The following MAP7 variants were observed in gnomAD, a reference collection of about 807,000 sequenced individuals.
MAP7 encodes ensconsin.
MAP7 carries 52 observed loss-of-function variants against 94.8 expected under a neutral mutation model. That is an observed-to-expected ratio of 0.55 (90% CI 0.44 to 0.69). MAP7 has a LOEUF of 0.69. MAP7 is among the 30% of genes least tolerant of loss of function. The pLI is 0.00. For synonymous variants in MAP7, 350 were observed against 357.0 expected, an observed-to-expected ratio of 0.98 and a Z score of 0.22; for missense variants, 940 against 964.6, an observed-to-expected ratio of 0.97 and a Z score of 0.34.
At chr6:136,495,229 A>T (rs186272537) in intron 1 of MAP7, among the ~76,000 whole-genome samples, 6 of 152,194 alleles carry the variant, frequency 3.9e-5, no homozygotes, top group Non-Finnish European at 8.8e-5. Flanking sequence ...ATTTAAGTCC[A>T]TTATCTAACT....
At chr6:136,344,777 A>G (rs1787229614) in intron 17 of MAP7, among the ~76,000 whole-genome samples, 1 of 152,226 alleles carries the variant, frequency 6.6e-6, no homozygotes, top group African/African-American at 2.4e-5. Flanking sequence ...GAGTTCACTA[A>G]AGTGAGGTTC....
chr6:136,471,623 G>A (rs1809044163), intron 1 of MAP7, among the ~76,000 whole-genome samples: 1 of 151,860 alleles, frequency 6.6e-6, no homozygotes, highest in South Asian at 2.1e-4. Context: ...GTTTATTTAG[G>A]AGACACTCAC....
chr6:136,478,309 G>A (rs1462612909), intron 1 of MAP7, among the ~76,000 whole-genome samples: 1 of 152,146 alleles, frequency 6.6e-6, no homozygotes, highest in Non-Finnish European at 1.5e-5. Flanking sequence ...TTGGCCAGGT[G>A]TGGTGGCTCA....
At chr6:136,457,443 G>C (rs1426185324) in intron 1 of MAP7, among the ~76,000 whole-genome samples, 2 of 151,966 alleles carry the variant, frequency 1.3e-5, no homozygotes, top group East Asian at 1.9e-4. Flanking sequence ...AATTGAAGAA[G>C]AGGGAACACT....
chr6:136,362,187 C>G (rs1411161011), intron 11 of MAP7, among the ~76,000 whole-genome samples: 1 of 151,866 alleles, frequency 6.6e-6, no homozygotes, highest in South Asian at 2.1e-4. Context: ...TTGGGAGGTT[C>G]AGGTGGGAGG....
chr6:136,443,443 C>T (rs991022795), intron 1 of MAP7, among the ~76,000 whole-genome samples: 1 of 137,552 alleles, frequency 7.3e-6, no homozygotes, highest in Non-Finnish European at 1.5e-5. Flanking sequence ...ATACATTCCC[C>T]TTCTACTTTT....
chr6:136,516,975 C>CAAA (rs397770361), intron 1 of MAP7, among the ~76,000 whole-genome samples: 13 of 140,288 alleles, frequency 9.3e-5, no homozygotes, highest in Non-Finnish European at 1.7e-4. Flanking sequence ...AAAACCCTTG[C>CAAA]AAAAAAAAAA....
At chr6:136,393,868 T>C (rs1781501379) in intron 3 of MAP7, among the ~76,000 whole-genome samples, 1 of 146,370 alleles carries the variant, frequency 6.8e-6, no homozygotes, top group Non-Finnish European at 1.5e-5. Context: ...CTCAAACTCC[T>C]AGCTTCAAGA....
At chr6:136,534,182 G>T (rs1828699677) in intron 1 of MAP7, among the ~76,000 whole-genome samples, 1 of 152,220 alleles carries the variant, frequency 6.6e-6, no homozygotes, top group African/African-American at 2.4e-5. Context: ...TCTCTGGAGA[G>T]AAATATATTG....
chr6:136,526,755 G>T, intron 1 of MAP7: 1 of 874,832 alleles, frequency 1.1e-6, no homozygotes, highest in Non-Finnish European at 1.4e-6. Context: ...TCTTTTCTGG[G>T]CCAGGTTGTC....
intron 6 of MAP7, 127 bp downstream of exon 6, chr6:136,383,544 G>T: frequency 1.9e-6 from 1 of 525,066 alleles, no homozygotes; most frequent in South Asian, 3.1e-5. Context: ...TTACTCTGAA[G>T]TTTTTTTCTT....
intron 1 of MAP7, among the ~76,000 whole-genome samples, chr6:136,538,798 CAAA>C (rs397836178): frequency 6.7e-4 from 44 of 65,892 alleles, no homozygotes; most frequent in East Asian, 2.7e-3. Context: ...GATTTTGTCT[CAAA>C]AAAAAAAAAA....
intron 8 of MAP7, among the ~76,000 whole-genome samples, chr6:136,371,824 A>G (rs1389815123): frequency 6.6e-6 from 1 of 152,246 alleles, no homozygotes; most frequent in African/African-American, 2.4e-5. Flanking sequence ...AGACATACAA[A>G]TTACCTCATT....
chr6:136,403,870 C>T (rs996131472), intron 3 of MAP7, among the ~76,000 whole-genome samples: 3 of 152,238 alleles, frequency 2.0e-5, no homozygotes, highest in African/African-American at 7.2e-5. Context: ...ATTCCTCTCA[C>T]TAAGATGCAT....
intron 16 of MAP7, among the ~76,000 whole-genome samples, chr6:136,346,635 C>T (rs1180451080): frequency 6.6e-6 from 1 of 152,190 alleles, no homozygotes; most frequent in African/African-American, 2.4e-5. Context: ...TTATCAATTA[C>T]AACAGATCAT....
At chr6:136,356,942 CCTTA>C in intron 15 of MAP7, 148 bp from the exon 16 acceptor site, 1 of 615,430 alleles carries the variant, frequency 1.6e-6, no homozygotes, top group Non-Finnish European at 2.9e-6. Flanking sequence ...ACTCTCTGTG[CCTTA>C]GTTTCCTCAT....
chr6:136,546,660 C>G (rs28660429), intron 1 of MAP7, among the ~76,000 whole-genome samples: 2 of 152,176 alleles, frequency 1.3e-5, no homozygotes, highest in Non-Finnish European at 2.9e-5. Flanking sequence ...GTCTTCCTTG[C>G]TAAATTCAAG....
intron 1 of MAP7, among the ~76,000 whole-genome samples, chr6:136,533,767 C>T (rs973150408): frequency 3.3e-5 from 5 of 152,112 alleles, no homozygotes; most frequent in South Asian, 2.1e-4. Context: ...CTCACATGAA[C>T]GAACAGAATG....
At chr6:136,478,531 G>A (rs1255502621) in intron 1 of MAP7, among the ~76,000 whole-genome samples, 6 of 151,526 alleles carry the variant, frequency 4.0e-5, no homozygotes. Flanking sequence ...TTTTTGAAAA[G>A]ATAAACAAAA....
Sources: gnomAD v4.1 joint callset for allele counts (sites outside exome capture counted in the v4.1 genomes callset) on GRCh38, gnomAD v4.1.1 for gene constraint, MANE v1.5 for transcripts, NCBI Gene and HGNC (gene_info 2026-07-23, HGNC 2026-07-21) for gene names.